Variants in ATG7 observed in about 807,000 individuals in gnomAD.
ATG7 encodes the protein ubiquitin-like modifier-activating enzyme ATG7.
In ATG7, 70 loss-of-function variants were observed where a neutral mutation model predicts 82.4. The observed-to-expected ratio is 0.85, with a 90% confidence interval of 0.70 to 1.04. ATG7 has a LOEUF of 1.04. Among genes scored for constraint, ATG7 ranks in the 50% least tolerant of loss-of-function variants. The probability of loss-of-function intolerance (pLI) is 0.00; values close to 1 mark genes in which losing one functional copy is unlikely to be tolerated. For synonymous variants in ATG7, 287 were observed against 313.0 expected (o/e 0.92, Z 0.88); for missense variants, 792 against 864.3 (o/e 0.92, Z 1.05).
intron 20 of ATG7, among the ~76,000 whole-genome samples, chr3:11,491,406 C>T (rs2090341637): frequency 6.6e-6 from 1 of 152,080 alleles, no homozygotes; most frequent in Admixed American, 6.6e-5. Flanking sequence ...ACTTCTTTGC[C>T]TTTGGTTTGA....
chr3:11,310,689 A>G (rs1187675523), intron 7 of ATG7, among the ~76,000 whole-genome samples: 2 of 151,084 alleles, frequency 1.3e-5, no homozygotes, highest in African/African-American at 2.4e-5. Context: ...CTGGAGTGCA[A>G]TGGTGCGATG....
chr3:11,464,272 T>C (rs2086621328), intron 20 of ATG7, among the ~76,000 whole-genome samples: 1 of 152,212 alleles, frequency 6.6e-6, no homozygotes, highest in South Asian at 2.1e-4. Flanking sequence ...CTTGGGAGTC[T>C]GAGGTGGGAG....
chr3:11,569,427 C>T, the ATG7 span, among the ~76,000 whole-genome samples: 82 of 152,348 alleles, frequency 5.4e-4, 1 homozygote, highest in Admixed American at 1.4e-3. Flanking sequence ...CAGCCTTGGG[C>T]CCTGGCCTCC....
intron 20 of ATG7, among the ~76,000 whole-genome samples, chr3:11,551,226 C>T (rs1410263289): frequency 1.3e-5 from 2 of 152,230 alleles, no homozygotes; most frequent in Non-Finnish European, 2.9e-5. Flanking sequence ...GGTTTCATGG[C>T]GTCTCCCTCG....
At chr3:11,465,356 A>G (rs960328561) in intron 20 of ATG7, among the ~76,000 whole-genome samples, 9 of 151,656 alleles carry the variant, frequency 5.9e-5, no homozygotes, top group Non-Finnish European at 1.2e-4. Context: ...GAGGCAGGAG[A>G]ATGGCGTGAA....
chr3:11,400,639 C>T (rs561153310), intron 19 of ATG7, among the ~76,000 whole-genome samples: 14 of 152,132 alleles, frequency 9.2e-5, no homozygotes, highest in African/African-American at 3.1e-4. Context: ...TTGAGTCAAA[C>T]CAAACCTGTA....
At chr3:11,475,909 C>CACACACA (rs1479988312) in intron 20 of ATG7, among the ~76,000 whole-genome samples, 2,985 of 104,590 alleles carry the variant, frequency 0.029, 74 homozygotes, top group South Asian at 0.043. Flanking sequence ...ACACACACAC[C>CACACACA]CCCTCCCAGA....
chr3:11,436,062 C>T (rs1387059165), intron 20 of ATG7, among the ~76,000 whole-genome samples: 1 of 151,992 alleles, frequency 6.6e-6, no homozygotes, highest in Non-Finnish European at 1.5e-5. Context: ...CAGTGAGAAC[C>T]CATCTCTAAA....
chr3:11,379,135 C>T (rs565453905), intron 18 of ATG7, among the ~76,000 whole-genome samples: 8 of 151,930 alleles, frequency 5.3e-5, no homozygotes, highest in Non-Finnish European at 1.0e-4. Flanking sequence ...TGAGGTTTTT[C>T]AACATAAAAT....
the ATG7 span, chr3:11,568,560 T>C: frequency 6.4e-7 from 1 of 1,553,312 alleles, no homozygotes; most frequent in Non-Finnish European, 8.7e-7. The surrounding 1 kb of genome is among the most constrained non-coding windows in gnomAD (Gnocchi z 5.9). Flanking sequence ...AGAAAAGGCC[T>C]GGAGAACTGG....
intron 6 of ATG7, among the ~76,000 whole-genome samples, chr3:11,307,863 C>T (rs1292891634): frequency 6.6e-6 from 1 of 152,214 alleles, no homozygotes; most frequent in East Asian, 1.9e-4. Flanking sequence ...TCCTTCACAT[C>T]CCTCGGGATG....
chr3:11,378,673 A>G lies in ATG7; in HGVS notation c.1876-1299A>G, dbSNP rs534196115. Among the ~76,000 whole-genome samples, 16 of 99,322 alleles carry G rather than the reference A, an allele frequency of 1.6e-4. No individual in the cohort carries two copies. In the South Asian group the frequency reaches 6.1e-3, roughly 38 times the overall value. 65.2% of individuals were successfully genotyped at this position (99,322 alleles called of 152,430 possible). ...GTACTCCAGCCTGGGCGACAGAGTGAGACTCCATCTCCAAAAAAAAAAAAA... is the reference window on the plus strand; with the variant it reads ...GTACTCCAGCCTGGGCGACAGAGTGGGACTCCATCTCCAAAAAAAAAAAAA... On this transcript the variant is annotated intron_variant, in intron 18 of 20. Coordinates refer to ENST00000693202, the MANE Select transcript of ATG7 (RefSeq NM_001349232.2).
At chr3:11,482,785 T>G (rs1332548085) in intron 20 of ATG7, among the ~76,000 whole-genome samples, 10 of 151,700 alleles carry the variant, frequency 6.6e-5, no homozygotes, top group Admixed American at 6.6e-4. Flanking sequence ...TTATTATCAT[T>G]TTTGTACCTT....
intron 20 of ATG7, among the ~76,000 whole-genome samples, chr3:11,430,122 G>C (rs1051875254): frequency 2.6e-5 from 4 of 151,986 alleles, no homozygotes; most frequent in South Asian, 2.1e-4. Context: ...ACCCTTAATA[G>C]GTATTTGAGC....
intron 2 of ATG7, among the ~76,000 whole-genome samples, chr3:11,281,789 AAAG>A (rs1943097532): frequency 6.6e-6 from 1 of 151,944 alleles, no homozygotes; most frequent in Non-Finnish European, 1.5e-5. Flanking sequence ...AAAAAAAAAA[AAAG>A]AGAAAAGAAA....
chr3:11,543,345 G>T (rs2070996794), intron 20 of ATG7, among the ~76,000 whole-genome samples: 1 of 152,202 alleles, frequency 6.6e-6, no homozygotes, highest in Non-Finnish European at 1.5e-5. Flanking sequence ...AAGGCTGGGA[G>T]AACTCCTCCC....
rs111717745 is a variant in ATG7 at position 11,381,420 on chromosome 3, C to G, written c.1956+1368C>G. On this transcript the variant is annotated intron_variant, in intron 19 of 20. Coordinates refer to ENST00000693202, the MANE Select transcript of ATG7 (RefSeq NM_001349232.2). Reference sequence around the variant, plus strand: ...TTTCTATGGCTTTATGTTGGTCTGGCTAGTCAATGAAATAAAGATAATTGG... The same window carrying G: ...TTTCTATGGCTTTATGTTGGTCTGGGTAGTCAATGAAATAAAGATAATTGG... Among the ~76,000 whole-genome samples, 892 of 152,270 alleles carry G rather than the reference C, an allele frequency of 5.9e-3. 6 individuals are homozygous for G. The highest frequency in any genetic ancestry group is 0.02 in the African/African-American group (824 of 41,554).
At chr3:11,417,800 ATTTTATTTTATTTTAT>A (rs2081503648) in intron 19 of ATG7, among the ~76,000 whole-genome samples, 12 of 109,308 alleles carry the variant, frequency 1.1e-4, no homozygotes, top group East Asian at 9.2e-4. Context: ...TATTATTATT[ATTTTATTTTATTTTAT>A]TTTTTTTTTT....
intron 9 of ATG7, among the ~76,000 whole-genome samples, chr3:11,329,080 G>A (rs1256543920): frequency 5.3e-5 from 8 of 152,130 alleles, no homozygotes; most frequent in Non-Finnish European, 1.0e-4. Context: ...GGGTAATAAC[G>A]GTAATAACGT....
Sources: allele counts gnomAD v4.1 joint callset (sites outside exome capture counted in the v4.1 genomes callset), GRCh38; gene constraint gnomAD v4.1.1; non-coding constraint Gnocchi (gnomAD v3.1); transcripts MANE v1.5; gene names NCBI Gene and HGNC (gene_info 2026-07-23, HGNC 2026-07-21).